The following RFX7 variants were observed in gnomAD, a reference collection of about 807,000 sequenced individuals.
RFX7 encodes regulatory factor X7.
A neutral mutation model predicts 111.8 loss-of-function variants in RFX7; 26 were observed. That is an observed-to-expected ratio of 0.23 (90% CI 0.17 to 0.32). The LOEUF (loss-of-function observed/expected upper bound fraction) is 0.32, where lower values mean the gene tolerates loss of function less well. Among genes scored for constraint, RFX7 ranks in the 10% least tolerant of loss-of-function variants. The pLI is 1.00. For synonymous variants in RFX7, 624 were observed against 624.4 expected, an observed-to-expected ratio of 1.00 and a Z score of 0.01; for missense variants, 1,573 against 1,772.9, an observed-to-expected ratio of 0.89 and a Z score of 2.02.
At chr15:56,221,270 G>A (rs917338623) in intron 2 of RFX7, among the ~76,000 whole-genome samples, 2 of 152,204 alleles carry the variant, frequency 1.3e-5, no homozygotes, top group African/African-American at 4.8e-5. Context: ...GCCTTGGGCA[G>A]TATGGCCTTT....
In RFX7 at chr15:56,095,867, T is replaced by C. The variant is rs1352046495; in HGVS notation, c.1861A>G (p.Thr621Ala). The C allele has an allele frequency of 1.1e-5, 18 of 1,606,326 alleles. No homozygotes were observed. The highest frequency in any genetic ancestry group is 1.5e-5 in the Non-Finnish European group (18 of 1,179,856). The stretch of plus-strand genomic sequence containing the variant: ...TGAGAAGCAACTGATAGAGTGATAG[T>C]GCTTTGATTATTGCCTGTTGACGTG... ...PGTSTGNNQS[T>A]ITLSVASQNL... The change falls in exon 10 of 10, where the codon ACT (threonine) becomes GCT (alanine). Residue 621 changes from threonine to alanine, a missense_variant. Physicochemically the swap from Thr to Ala is moderately conservative, Grantham distance 58. Transcript: ENST00000559447.
intron 2 of RFX7, among the ~76,000 whole-genome samples, chr15:56,198,643 G>T (rs1300810429): frequency 6.6e-6 from 1 of 151,990 alleles, no homozygotes; most frequent in Non-Finnish European, 1.5e-5. Flanking sequence ...TTTTTTAAAG[G>T]GATCTACAGT....
At chr15:56,215,435 G>C (rs953845226) in intron 2 of RFX7, among the ~76,000 whole-genome samples, 5 of 152,074 alleles carry the variant, frequency 3.3e-5, no homozygotes, top group African/African-American at 9.7e-5. Context: ...TTATTTTCCT[G>C]CATCAATTTA....
At chr15:56,245,066 T>C (rs1300797359), upstream of RFX7, among the ~76,000 whole-genome samples, 1 of 152,198 alleles carries the variant, frequency 6.6e-6, no homozygotes, top group Admixed American at 6.5e-5. Context: ...ATCAGGTTTC[T>C]ACCTGTTAGA....
intron 2 of RFX7, among the ~76,000 whole-genome samples, chr15:56,203,569 C>T (rs1444114482): frequency 6.6e-6 from 1 of 152,132 alleles, no homozygotes; most frequent in Admixed American, 6.5e-5. Context: ...CATTCTAAGT[C>T]ACAGTATGAG....
intron 5 of RFX7, among the ~76,000 whole-genome samples, chr15:56,113,414 C>G (rs555679187): frequency 6.6e-6 from 1 of 152,182 alleles, no homozygotes; most frequent in African/African-American, 2.4e-5. Context: ...AAACCAAACA[C>G]TGCATGTTCT....
Position 56,222,932 on chromosome 15 carries a change from C to A in RFX7, c.161+20193G>T, listed in dbSNP as rs541270675. On this transcript the variant is annotated intron_variant, in intron 2 of 9. Coordinates refer to ENST00000559447, the MANE Select transcript of RFX7 (RefSeq NM_022841.7). ...TCTTTTAAAGTATGTTTTGTTTTTGCATGAAGTTATTTACTGGCAGTTTAA... is the reference window on the plus strand; with the variant it reads ...TCTTTTAAAGTATGTTTTGTTTTTGAATGAAGTTATTTACTGGCAGTTTAA... 1.1e-4 allele frequency among the ~76,000 whole-genome samples: 16 copies of A among 152,174 alleles called. No individual in the cohort carries two copies. The South Asian group carries it at 3.3e-3, about 32-fold the overall frequency.
intron 2 of RFX7, among the ~76,000 whole-genome samples, chr15:56,186,394 C>T (rs982866135): frequency 1.5e-4 from 23 of 152,158 alleles, no homozygotes; most frequent in Admixed American, 2.0e-4. Flanking sequence ...TTCCTGCTTA[C>T]GACCTTTCTT....
intron 5 of RFX7, among the ~76,000 whole-genome samples, chr15:56,113,586 G>T (rs1188083990): frequency 6.6e-6 from 1 of 151,450 alleles, no homozygotes; most frequent in Non-Finnish European, 1.5e-5. Context: ...GGTAGGTGCA[G>T]CAAACCACCA....
chr15:56,215,859 A>G (rs1183674449), intron 2 of RFX7, among the ~76,000 whole-genome samples: 3 of 152,172 alleles, frequency 2.0e-5, no homozygotes, highest in African/African-American at 7.2e-5. Context: ...CCGAGGTTTC[A>G]GTCAGGATAT....
intron 3 of RFX7, among the ~76,000 whole-genome samples, chr15:56,154,528 G>C (rs1189034559): frequency 6.6e-6 from 1 of 152,134 alleles, no homozygotes; most frequent in East Asian, 1.9e-4. Context: ...CAAGCAATGG[G>C]GAAAGGATTC....
intron 5 of RFX7, among the ~76,000 whole-genome samples, chr15:56,118,822 A>G (rs2042040717): frequency 6.6e-6 from 1 of 152,198 alleles, no homozygotes; most frequent in Admixed American, 6.5e-5. Flanking sequence ...ACAGTGTATG[A>G]AGGTTTCCTT....
At position 56,142,950 on chromosome 15, in the gene RFX7, G is replaced by A. The variant is rs141891738; in HGVS notation, c.279-50C>T. The A allele has an allele frequency of 3.9e-4, 627 of 1,600,192 alleles. 5 individuals are homozygous for A. The East Asian group carries it at 0.012, about 31-fold the overall frequency. ...GCTGACCAGACAGCAATTCATTAAC[G>A]ATTTTTGAGCTAGGCCTAAATGTTC... On this transcript the variant is annotated intron_variant, in intron 4 of 9. Transcript: ENST00000559447.
At chr15:56,196,782 T>C (rs1431812517) in intron 2 of RFX7, among the ~76,000 whole-genome samples, 4 of 152,196 alleles carry the variant, frequency 2.6e-5, no homozygotes, top group African/African-American at 7.2e-5. Flanking sequence ...CGGTATTCCA[T>C]TGCTTTATTT....
chr15:56,175,965 T>G (rs781733460), intron 3 of RFX7, among the ~76,000 whole-genome samples: 1 of 152,132 alleles, frequency 6.6e-6, no homozygotes, highest in Non-Finnish European at 1.5e-5. Context: ...CTTTAGGTAG[T>G]AGTAACTATG....
chr15:56,124,031 T>TTG (rs1466926969), intron 5 of RFX7, among the ~76,000 whole-genome samples: 3 of 152,104 alleles, frequency 2.0e-5, no homozygotes, highest in Non-Finnish European at 4.4e-5. Context: ...TCTTACATTT[T>TTG]TGTGTGTGTG....
In RFX7 at chr15:56,093,257, G is replaced by A. The variant is rs566116323; in HGVS notation, c.*88C>T. The A allele has an allele frequency of 3.5e-6, 4 of 1,146,490 alleles. No homozygotes were observed. The highest frequency in any genetic ancestry group is 4.8e-6 in the Non-Finnish European group (4 of 832,256). 71.0% of individuals were successfully genotyped at this position (1,146,490 alleles called of 1,614,324 possible). A position where few individuals can be genotyped will look rare whatever the true frequency, so the allele number is the denominator to read the frequency against. ...CGCTTTTAAAATGTCACAATTAATAGTATTTCTGCTGCGGGAGGCACTTCC... is the reference window on the plus strand; with the variant it reads ...CGCTTTTAAAATGTCACAATTAATAATATTTCTGCTGCGGGAGGCACTTCC... On this transcript the variant is annotated 3_prime_UTR_variant, in exon 10 of 10. Coordinates refer to ENST00000559447, the MANE Select transcript of RFX7 (RefSeq NM_022841.7).
chr15:56,201,813 G>A (rs575467975), intron 2 of RFX7, among the ~76,000 whole-genome samples: 11 of 152,206 alleles, frequency 7.2e-5, no homozygotes, highest in Admixed American at 5.2e-4. Context: ...GGCAGATCAC[G>A]AGGTCAGGAG....
rs1301664532 is a variant in RFX7, at chr15:56,087,499, G to T, written c.*5846C>A. 2.2e-6 allele frequency: 1 copy of T among 456,534 alleles called. No individual in the cohort carries two copies. Among genetic ancestry groups the T allele is most frequent in the Non-Finnish European group, 4.4e-6 (1 of 226,966 alleles). 28.3% of individuals were successfully genotyped at this position (456,534 alleles called of 1,614,324 possible). A position where few individuals can be genotyped will look rare whatever the true frequency, so the allele number is the denominator to read the frequency against. ...TTGCATTCCAGCCAGCAGAGAGGAA[G>T]GACAAGAACACTGCAAAGAAGTAGC... On this transcript the variant is annotated 3_prime_UTR_variant, in exon 10 of 10. Transcript: ENST00000559447.
Sources: gnomAD v4.1 joint callset for allele counts (sites outside exome capture counted in the v4.1 genomes callset) on GRCh38, gnomAD v4.1.1 for gene constraint, MANE v1.5 for transcripts, NCBI Gene and HGNC (gene_info 2026-07-23, HGNC 2026-07-21) for gene names.